ADGRL2: variants seen among roughly 807,000 people sequenced by gnomAD.
ADGRL2 encodes adhesion G protein-coupled receptor L2, also known as calcium-independent alpha-latrotoxin receptor 2.
A neutral mutation model predicts 157.4 loss-of-function variants in ADGRL2; 44 were observed. The ratio of observed to expected loss-of-function variants is 0.28; its 90% CI spans 0.22 to 0.36. The LOEUF is 0.36. Among genes scored for constraint, ADGRL2 ranks in the 10% least tolerant of loss-of-function variants. The probability of loss-of-function intolerance (pLI) is 1.00; values close to 1 mark genes in which losing one functional copy is unlikely to be tolerated. For missense variants in ADGRL2, 1,510 were observed against 1,768.9 expected, an observed-to-expected ratio of 0.85 and a Z score of 2.63; for synonymous variants, 585 against 624.7, an observed-to-expected ratio of 0.94 and a Z score of 0.95.
chr1:81,431,267 C>T (rs1028087581), intron 1 of ADGRL2, among the ~76,000 whole-genome samples: 2 of 151,978 alleles, frequency 1.3e-5, no homozygotes, highest in African/African-American at 4.8e-5. Context: ...AGGAGAAAAC[C>T]AGATATTTTC....
chr1:81,529,756 A>T (rs906924022), intron 2 of ADGRL2, among the ~76,000 whole-genome samples: 3 of 152,208 alleles, frequency 2.0e-5, no homozygotes, highest in Non-Finnish European at 4.4e-5. Flanking sequence ...TGGCAAATTA[A>T]CTTGCCCAGC....
At chr1:81,661,446 A>G (rs1400447512) in intron 3 of ADGRL2, among the ~76,000 whole-genome samples, 4 of 152,216 alleles carry the variant, frequency 2.6e-5, no homozygotes, top group Non-Finnish European at 5.9e-5. Context: ...AAGGTGAAGA[A>G]TTCTTAACTA....
intron 2 of ADGRL2, among the ~76,000 whole-genome samples, chr1:81,465,548 T>C (rs977952903): frequency 2.6e-5 from 4 of 152,162 alleles, no homozygotes; most frequent in Non-Finnish European, 5.9e-5. Context: ...CTTGCTAATC[T>C]AGTAGATTTT....
chr1:81,849,831 A>G (rs2092933655), intron 2 of ADGRL2, among the ~76,000 whole-genome samples: 1 of 151,932 alleles, frequency 6.6e-6, no homozygotes, highest in African/African-American at 2.4e-5. Context: ...TTCGATACAC[A>G]GTTTGACAGC....
intron 2 of ADGRL2, among the ~76,000 whole-genome samples, chr1:81,471,289 G>T (rs1305107338): frequency 1.3e-5 from 2 of 152,028 alleles, no homozygotes; most frequent in African/African-American, 4.8e-5. Context: ...TCAATACAAA[G>T]ATATTTATAT....
Position 81,943,833 on chromosome 1 carries a change from T to C in ADGRL2, c.1210+64T>C, listed in dbSNP as rs1648865084. ...GAAAAGCATTTTTCTTTTTAAAGACTTCTTAATTTTTTTTTCCTATTTTCT... is the reference window on the plus strand; with the variant it reads ...GAAAAGCATTTTTCTTTTTAAAGACCTCTTAATTTTTTTTTCCTATTTTCT... On this transcript the variant is annotated intron_variant, in intron 6 of 23. Coordinates refer to ENST00000686636, the MANE Select transcript of ADGRL2 (RefSeq NM_001366006.2). The surrounding 1 kb of genome is among the most constrained non-coding windows in gnomAD (Gnocchi z 5.6). The C allele has an allele frequency of 7.6e-7, 1 of 1,307,692 alleles. No individual in the cohort carries two copies. The highest frequency in any genetic ancestry group is 1.1e-6 in the Non-Finnish European group (1 of 941,634). 81.0% of individuals were successfully genotyped at this position (1,307,692 alleles called of 1,614,324 possible).
chr1:81,321,782 G>A (rs548612780), intron 1 of ADGRL2, among the ~76,000 whole-genome samples: 6 of 151,422 alleles, frequency 4.0e-5, no homozygotes, highest in East Asian at 2.0e-4. Flanking sequence ...GTGAAATATT[G>A]TGAGAATTAC....
chr1:81,500,243 G>A (rs2148008220), intron 2 of ADGRL2, among the ~76,000 whole-genome samples: 1 of 152,300 alleles, frequency 6.6e-6, no homozygotes, highest in Admixed American at 6.5e-5. Context: ...AAATAGTATG[G>A]TGGTCCTGCA....
At chr1:81,365,512 C>T (rs968053043) in intron 1 of ADGRL2, among the ~76,000 whole-genome samples, 3 of 152,092 alleles carry the variant, frequency 2.0e-5, no homozygotes, top group South Asian at 4.2e-4. Flanking sequence ...TTCTGTTATG[C>T]TTATTTCTAT....
At chr1:81,757,144 A>T (rs1026627953) in intron 1 of ADGRL2, among the ~76,000 whole-genome samples, 1 of 152,144 alleles carries the variant, frequency 6.6e-6, no homozygotes, top group Non-Finnish European at 1.5e-5. Flanking sequence ...AGCATTTGGA[A>T]ACAAGCTTCA....
chr1:81,466,312 G>A (rs1234162875), intron 2 of ADGRL2, among the ~76,000 whole-genome samples: 1 of 152,150 alleles, frequency 6.6e-6, no homozygotes, highest in East Asian at 1.9e-4. Context: ...TGATTTTCAT[G>A]ATATCAAAGT....
chr1:81,793,458 T>C (rs2149426652), intron 2 of ADGRL2, among the ~76,000 whole-genome samples: 1 of 152,264 alleles, frequency 6.6e-6, no homozygotes, highest in African/African-American at 2.4e-5. Flanking sequence ...TTTAATGGCA[T>C]ATTAAGACAC....
At chr1:81,534,156 T>C (rs2079675580) in intron 2 of ADGRL2, among the ~76,000 whole-genome samples, 1 of 152,144 alleles carries the variant, frequency 6.6e-6, no homozygotes, top group African/African-American at 2.4e-5. Context: ...TTTATTTTAT[T>C]TACTATTTAT....
intron 2 of ADGRL2, among the ~76,000 whole-genome samples, chr1:81,520,586 T>A (rs904739731): frequency 1.3e-5 from 2 of 152,118 alleles, no homozygotes; most frequent in Non-Finnish European, 2.9e-5. Flanking sequence ...TGAGTTCTCA[T>A]GAGATCTGAT....
At chr1:81,640,277 G>C (rs776939463) in intron 3 of ADGRL2, among the ~76,000 whole-genome samples, 1 of 151,992 alleles carries the variant, frequency 6.6e-6, no homozygotes, top group African/African-American at 2.4e-5. Context: ...CTAAATTTTG[G>C]TCATGCTCTC....
At chr1:81,476,986 A>G (rs1017368470) in intron 2 of ADGRL2, among the ~76,000 whole-genome samples, 4 of 152,198 alleles carry the variant, frequency 2.6e-5, no homozygotes, top group African/African-American at 9.7e-5. Flanking sequence ...CCCTGTGGAA[A>G]TATCCATGGA....
chr1:81,337,012 G>T (rs1409632031), intron 1 of ADGRL2, among the ~76,000 whole-genome samples: 1 of 152,180 alleles, frequency 6.6e-6, no homozygotes, highest in South Asian at 2.1e-4. Flanking sequence ...TGACATCAGC[G>T]AGAAGCAGCC....
chr1:81,637,055 G>T (rs536806294), intron 3 of ADGRL2, among the ~76,000 whole-genome samples: 8 of 152,192 alleles, frequency 5.3e-5, no homozygotes, highest in African/African-American at 1.9e-4. Flanking sequence ...AGTTTGATTG[G>T]TTGGTCTCGA....
At chr1:81,669,531 T>C (rs1299699796) in intron 3 of ADGRL2, among the ~76,000 whole-genome samples, 1 of 152,156 alleles carries the variant, frequency 6.6e-6, no homozygotes, top group African/African-American at 2.4e-5. Flanking sequence ...ATGGTCCTTG[T>C]CCTCATGAAG....
Sources: gnomAD v4.1 joint callset for allele counts (sites outside exome capture counted in the v4.1 genomes callset) on GRCh38, gnomAD v4.1.1 for gene constraint, Gnocchi (gnomAD v3.1) non-coding constraint, MANE v1.5 for transcripts, NCBI Gene and HGNC (gene_info 2026-07-23, HGNC 2026-07-21) for gene names.